The following CCND3 variants were observed in gnomAD, a reference collection of about 807,000 sequenced individuals.
The protein encoded by CCND3 is cyclin D3, also known as G1/S-specific cyclin-D3.
A neutral mutation model predicts 28.7 loss-of-function variants in CCND3; 9 were observed. That is an observed-to-expected ratio of 0.31 (90% CI 0.19 to 0.55). The LOEUF (loss-of-function observed/expected upper bound fraction) is 0.55. Ranked by LOEUF, CCND3 falls within the 20% of genes least tolerant of loss-of-function variation. The pLI, the probability that CCND3 is intolerant of heterozygous loss-of-function variation, is 0.93. For missense variants in CCND3, 315 were observed against 385.8 expected (o/e 0.82, Z 1.54); for synonymous variants, 164 against 163.9 (o/e 1.00, Z 0.00).
intron 1 of CCND3, among the ~76,000 whole-genome samples, chr6:42,041,290 T>A (rs933143256): frequency 6.6e-6 from 1 of 152,186 alleles, no homozygotes; most frequent in African/African-American, 2.4e-5. Flanking sequence ...CGGAAAAGGC[T>A]GTACCCTCGG....
intron 1 of CCND3, among the ~76,000 whole-genome samples, chr6:41,951,091 G>A (rs1345765728): frequency 6.6e-6 from 1 of 152,088 alleles, no homozygotes; most frequent in Non-Finnish European, 1.5e-5. Flanking sequence ...ATGTCATGAA[G>A]ACAGAAGACT....
intron 1 of CCND3, among the ~76,000 whole-genome samples, chr6:41,969,010 G>A (rs1761962862): frequency 6.6e-6 from 1 of 152,028 alleles, no homozygotes; most frequent in South Asian, 2.1e-4. Context: ...TGGCCAGGCT[G>A]GTCTCAAACT....
At chr6:42,026,867 C>T (rs773539101) in intron 1 of CCND3, among the ~76,000 whole-genome samples, 3 of 152,210 alleles carry the variant, frequency 2.0e-5, no homozygotes, top group Non-Finnish European at 2.9e-5. Context: ...ATCTCCCACA[C>T]GCAAGGGCAC....
At chr6:41,993,192 C>G (rs1306501068) in intron 1 of CCND3, among the ~76,000 whole-genome samples, 1 of 152,130 alleles carries the variant, frequency 6.6e-6, no homozygotes, top group Non-Finnish European at 1.5e-5. Context: ...TGGAAACCAC[C>G]ATACCTGGTC....
chr6:41,977,137 C>A (rs553521175), intron 1 of CCND3, among the ~76,000 whole-genome samples: 1 of 152,248 alleles, frequency 6.6e-6, no homozygotes, highest in South Asian at 2.1e-4. Context: ...CTCAGAGGCA[C>A]CTAATTCAAC....
chr6:41,988,176 C>T (rs1314031799), intron 1 of CCND3, among the ~76,000 whole-genome samples: 1 of 151,810 alleles, frequency 6.6e-6, no homozygotes, highest in Non-Finnish European at 1.5e-5. Context: ...CATGGTGGCG[C>T]ATGCCTGTAA....
intron 1 of CCND3, among the ~76,000 whole-genome samples, chr6:42,029,856 A>T (rs1050920056): frequency 4.2e-5 from 6 of 143,526 alleles, no homozygotes; most frequent in African/African-American, 1.5e-4. Context: ...AAAAAAAAAA[A>T]TTCCTCTCAC....
At chr6:41,959,336 A>C (rs1455086760) in intron 1 of CCND3, among the ~76,000 whole-genome samples, 3 of 151,984 alleles carry the variant, frequency 2.0e-5, no homozygotes, top group African/African-American at 2.4e-5. Flanking sequence ...AAAGCAAAAC[A>C]AAACCAAACA....
intron 1 of CCND3, among the ~76,000 whole-genome samples, chr6:42,008,127 T>A (rs1381947578): frequency 6.6e-6 from 1 of 152,116 alleles, no homozygotes; most frequent in Non-Finnish European, 1.5e-5. Context: ...ACACCTGTAA[T>A]CTCAGCACTT....
chr6:41,993,767 CA>C lies in CCND3; in HGVS notation c.-45-53183del, dbSNP rs1159161140. ...CTGAAACCTGTCTCTACTAAAAATA[CA>C]AAAAATTAGCTGGGCATGGTGGTGG... On this transcript the variant is annotated intron_variant, in intron 1 of 4. Transcript: ENST00000372988. 4.6e-5 allele frequency among the ~76,000 whole-genome samples: 7 copies of C among 150,692 alleles called. No homozygotes were observed. The East Asian group carries it at 5.9e-4, about 13-fold the overall frequency.
At chr6:41,958,893 A>G (rs1398069904) in intron 1 of CCND3, among the ~76,000 whole-genome samples, 1 of 152,260 alleles carries the variant, frequency 6.6e-6, no homozygotes, top group Admixed American at 6.5e-5. Flanking sequence ...TGGTATCACT[A>G]CTTCAGAAAA....
chr6:41,967,065 C>A (rs1582115770), intron 1 of CCND3, among the ~76,000 whole-genome samples: 1 of 152,126 alleles, frequency 6.6e-6, no homozygotes, highest in East Asian at 1.9e-4. Context: ...GATTCCCTAG[C>A]AGAGGAATGA....
intron 1 of CCND3, among the ~76,000 whole-genome samples, chr6:42,036,920 C>T (rs1427539795): frequency 1.3e-5 from 2 of 151,964 alleles, no homozygotes; most frequent in Non-Finnish European, 2.9e-5. Context: ...AAATACAATG[C>T]TTATGGATTT....
intron 1 of CCND3, among the ~76,000 whole-genome samples, chr6:41,966,991 T>C (rs558917813): frequency 2.0e-5 from 3 of 152,314 alleles, no homozygotes; most frequent in East Asian, 1.9e-4. Flanking sequence ...ACAATAGTTA[T>C]ATAGCATGCT....
At chr6:42,027,691 C>G (rs1223795394) in intron 1 of CCND3, among the ~76,000 whole-genome samples, 3 of 152,118 alleles carry the variant, frequency 2.0e-5, no homozygotes, top group Non-Finnish European at 4.4e-5. Context: ...TGCTCACCAG[C>G]TGTGTAACCC....
Position 41,936,987 on chromosome 6 carries a change from G to A in CCND3, c.574+248C>T. On this transcript the variant is annotated intron_variant, in intron 3 of 4. Coordinates refer to ENST00000372991, the MANE Select transcript of CCND3 (RefSeq NM_001760.5). This position sits in a 1 kb window ranked among gnomAD's most constrained non-coding sequence, Gnocchi z 4.4. ...GAGACTGGGGTTCTGTTCCCAACCT[G>A]TTCACTGTGAGACCTTGGGCAAGTC... The A allele has an allele frequency of 3.3e-6, 2 of 599,258 alleles. No homozygotes were observed. The highest frequency in any genetic ancestry group is 2.0e-5 in the South Asian group (1 of 49,378). The allele number at this position is 599,258 out of a possible 1,614,324, so 37.1% of individuals were successfully genotyped here.
At chr6:41,968,819 G>A (rs1035231559) in intron 1 of CCND3, among the ~76,000 whole-genome samples, 1 of 148,596 alleles carries the variant, frequency 6.7e-6, no homozygotes, top group African/African-American at 2.5e-5. Flanking sequence ...TTGTTTGTTT[G>A]TTTTGACACG....
chr6:41,949,228 T>C (rs562540443), intron 1 of CCND3, among the ~76,000 whole-genome samples: 2 of 152,232 alleles, frequency 1.3e-5, no homozygotes, highest in Admixed American at 1.3e-4. Context: ...ATGCCTGTAA[T>C]CGCAGCACTT....
In CCND3 at chr6:41,939,622, G is replaced by C. The variant is rs917636226; in HGVS notation, c.414+748C>G. ...GGTTATGAAAGACCTTGGTCAGAGAGGGCGGGCCAGGGGAGGGGGCACCAT... is the reference window on the plus strand; with the variant it reads ...GGTTATGAAAGACCTTGGTCAGAGACGGCGGGCCAGGGGAGGGGGCACCAT... On this transcript the variant is annotated intron_variant, in intron 2 of 4. Transcript: ENST00000372991. This position sits in a 1 kb window ranked among gnomAD's most constrained non-coding sequence, Gnocchi z 4.2. Among the ~76,000 whole-genome samples the C allele has an allele frequency of 3.3e-5, 5 of 152,132 alleles. No individual in the cohort carries two copies. Among genetic ancestry groups the C allele is most frequent in the Admixed American group, 6.5e-5 (1 of 15,290 alleles).
Sources: gnomAD v4.1 joint callset for allele counts (sites outside exome capture counted in the v4.1 genomes callset) on GRCh38, gnomAD v4.1.1 for gene constraint, Gnocchi (gnomAD v3.1) non-coding constraint, MANE v1.5 for transcripts, NCBI Gene and HGNC (gene_info 2026-07-23, HGNC 2026-07-21) for gene names.